RXRG: variants seen among roughly 807,000 people sequenced by gnomAD.
The protein encoded by RXRG is retinoic acid receptor RXR-gamma.
A neutral mutation model predicts 49.2 loss-of-function variants in RXRG; 19 were observed. The observed-to-expected ratio is 0.39, with a 90% CI of 0.27 to 0.57. The LOEUF (loss-of-function observed/expected upper bound fraction) is 0.57, where lower values mean the gene tolerates loss of function less well. Ranked by LOEUF, RXRG falls within the 20% of genes least tolerant of loss-of-function variation. The pLI is 0.64. For synonymous variants in RXRG, 224 were observed against 216.6 expected, an observed-to-expected ratio of 1.03 and a Z score of -0.30; for missense variants, 452 against 592.5, an observed-to-expected ratio of 0.76 and a Z score of 2.46.
At position 165,445,013 on chromosome 1, in the gene RXRG, T is replaced by C. The variant is rs1456032056; in HGVS notation, c.-120A>G. ...GCTAACAAGAGTGGTCATCGCTTCC[T>C]AGCAGCCCGGGGAGCACAGGCTGGG... is the stretch of plus-strand genomic sequence containing the variant. On this transcript the variant is annotated 5_prime_UTR_variant, in exon 1 of 10. Transcript: ENST00000359842. The C allele has an allele frequency of 4.5e-6, 4 of 892,300 alleles. No homozygotes were observed. In the East Asian group the frequency reaches 9.8e-5, roughly 22 times the overall value. The allele number at this position is 892,300 out of a possible 1,614,324, so 55.3% of individuals were successfully genotyped here. A position where few individuals can be genotyped will look rare whatever the true frequency, so the allele number is the denominator to read the frequency against.
Position 165,410,976 on chromosome 1 carries a change from G to T in RXRG, c.756C>A (p.Ser252=). The change falls in exon 5 of 10, where the codon TCC becomes TCA. Residue 252 remains serine (S), a synonymous_variant. Coordinates refer to ENST00000359842, the MANE Select transcript of RXRG (RefSeq NM_006917.5). ...AELAVEPKTE[S]YGDMNMENST... ...AGTTCTCCATATTCATGTCACCATA[G>T]GATTCTGTCTTTGGTTCAACAGCAA... 1 of 1,614,150 alleles carries T rather than the reference G, an allele frequency of 6.2e-7. No individual in the cohort carries two copies. The highest frequency in any genetic ancestry group is 8.5e-7 in the Non-Finnish European group (1 of 1,180,016).
In RXRG at chr1:165,401,261, G is replaced by A; in HGVS notation, c.*2C>T. The A allele has an allele frequency of 6.2e-7, 1 of 1,613,944 alleles. No homozygotes were observed. The highest frequency in any genetic ancestry group is 8.5e-7 in the Non-Finnish European group (1 of 1,179,950). On this transcript the variant is annotated 3_prime_UTR_variant, in exon 10 of 10. Transcript: ENST00000359842. ...GGGTGGGGAGGCTGTGGCTGGTGGG[G>A]CTCAGGTGATCTGCAGCGGGGTCTC...
At chr1:165,426,384 T>G (rs3767348) in intron 2 of RXRG, among the ~76,000 whole-genome samples, 3 of 152,106 alleles carry the variant, frequency 2.0e-5, no homozygotes, top group South Asian at 2.1e-4. Context: ...ACCTGCCCCA[T>G]TGACTTACAC....
chr1:165,423,125 T>C (rs1289614748), intron 2 of RXRG, among the ~76,000 whole-genome samples: 2 of 152,168 alleles, frequency 1.3e-5, no homozygotes, highest in Admixed American at 1.3e-4. Context: ...GTTTTCTCTG[T>C]CCATCTCTCT....
chr1:165,425,598 G>A (rs1658458480), intron 2 of RXRG, among the ~76,000 whole-genome samples: 1 of 152,166 alleles, frequency 6.6e-6, no homozygotes, highest in African/African-American at 2.4e-5. Flanking sequence ...GGAAAGAAAG[G>A]AAACAAACAA....
chr1:165,419,901 G>A lies in RXRG; in HGVS notation c.411C>T (p.His137=), dbSNP rs1233502674. 1 of 1,613,010 alleles carries A rather than the reference G, an allele frequency of 6.2e-7. No individual in the cohort carries two copies. The highest frequency in any genetic ancestry group is 1.3e-5 in the African/African-American group (1 of 74,898). Residue 137 remains histidine, a synonymous_variant, in exon 3 of 10, where the codon CAC becomes CAT. Transcript: ENST00000359842. Reference sequence around the variant, plus strand: ...ATCTGTCTCCACAGATGGCACAGATGTGTTTAACCAGAGATCCGGGGCTGG... The same window carrying A: ...ATCTGTCTCCACAGATGGCACAGATATGTTTAACCAGAGATCCGGGGCTGG... ...PSTSPGSLVK[H]ICAICGDRSS...
chr1:165,407,377 A>C (rs1384733033), intron 8 of RXRG, among the ~76,000 whole-genome samples: 1 of 152,206 alleles, frequency 6.6e-6, no homozygotes, highest in East Asian at 1.9e-4. Context: ...TCTTGACCAC[A>C]GCAGGGTTTG....
At chr1:165,433,816 A>G (rs907991716) in intron 1 of RXRG, among the ~76,000 whole-genome samples, 4 of 152,234 alleles carry the variant, frequency 2.6e-5, no homozygotes. Flanking sequence ...CAACTGGACC[A>G]TGTTAGGCCT....
At chr1:165,426,396 A>G (rs1341662689) in intron 2 of RXRG, among the ~76,000 whole-genome samples, 1 of 151,526 alleles carries the variant, frequency 6.6e-6, no homozygotes, top group African/African-American at 2.4e-5. Flanking sequence ...GACTTACACA[A>G]CCCTTCCTTC....
intron 4 of RXRG, among the ~76,000 whole-genome samples, chr1:165,412,255 T>C (rs992287648): frequency 6.6e-5 from 10 of 152,232 alleles, no homozygotes; most frequent in South Asian, 6.2e-4. Context: ...ACACAACTTA[T>C]GCTCCAAAAC....
At chr1:165,424,789 G>A (rs769227475) in intron 2 of RXRG, 4 of 985,498 alleles carry the variant, frequency 4.1e-6, no homozygotes, top group Non-Finnish European at 4.8e-6. Context: ...CTTCCATCAT[G>A]AATCCCTCTC....
chr1:165,436,958 C>T lies in RXRG; in HGVS notation c.49+7887G>A, dbSNP rs149470737. The T allele has an allele frequency of 6.2e-3, 7,063 of 1,131,416 alleles. 39 individuals are homozygous for T. Among genetic ancestry groups the T allele is most frequent in the Middle Eastern group, 9.2e-3 (25 of 2,706 alleles). The allele number at this position is 1,131,416 out of a possible 1,614,324, so 70.1% of individuals were successfully genotyped here. On this transcript the variant is annotated intron_variant, in intron 1 of 9. Transcript: ENST00000359842. ...CTGTTATCATCTTTAATTCAAAAAG[C>T]ATTTACAAGATGTCAGAGGAACGGG...
intron 1 of RXRG, among the ~76,000 whole-genome samples, chr1:165,436,332 C>A (rs150801336): frequency 2.6e-5 from 4 of 152,286 alleles, no homozygotes; most frequent in African/African-American, 9.6e-5. Flanking sequence ...CTCCTCCCAC[C>A]CTTTGGTAAA....
intron 1 of RXRG, among the ~76,000 whole-genome samples, chr1:165,436,273 A>T (rs574867627): frequency 6.6e-6 from 1 of 152,260 alleles, no homozygotes; most frequent in African/African-American, 2.4e-5. Context: ...CCTTGGAGCC[A>T]CCTAGGATGG....
intron 7 of RXRG, among the ~76,000 whole-genome samples, chr1:165,408,618 A>G (rs1446913416): frequency 6.6e-6 from 1 of 152,228 alleles, no homozygotes; most frequent in East Asian, 1.9e-4. Context: ...ATGGAAAGGC[A>G]TCATGGAAGT....
intron 4 of RXRG, among the ~76,000 whole-genome samples, chr1:165,411,886 A>G (rs569996652): frequency 5.3e-4 from 81 of 152,300 alleles, no homozygotes; most frequent in African/African-American, 1.9e-3. Context: ...TCAGGAGAAA[A>G]GTCTCTGTTG....
chr1:165,406,888 C>T lies in RXRG; in HGVS notation c.1168G>A (p.Val390Met), dbSNP rs1388793765. The T allele has an allele frequency of 6.2e-7, 1 of 1,613,906 alleles. No homozygotes were observed. Among genetic ancestry groups the T allele is most frequent in the Middle Eastern group, 1.7e-4 (1 of 6,044 alleles). Reference sequence around the variant, plus strand: ...TAAACCTTCTCTCGCAGAGTCTCCACCTCAGAGGGGTTGGACAGGCCCTTG... The same window carrying T: ...TAAACCTTCTCTCGCAGAGTCTCCATCTCAGAGGGGTTGGACAGGCCCTTG... ...DAKGLSNPSE[V>M]ETLREKVYAT... Residue 390 changes from valine (V) to methionine (M), a missense_variant, in exon 9 of 10, where the codon GTG becomes ATG. Val to Met is a conservative substitution (Grantham distance 21). Coordinates refer to ENST00000359842, the MANE Select transcript of RXRG (RefSeq NM_006917.5).
chr1:165,436,772 A>G (rs973516198), intron 1 of RXRG, among the ~76,000 whole-genome samples: 1 of 152,112 alleles, frequency 6.6e-6, no homozygotes, highest in African/African-American at 2.4e-5. Context: ...ATTTCCTCAA[A>G]TGCAAATGGA....
intron 2 of RXRG, among the ~76,000 whole-genome samples, chr1:165,421,542 TTTTCC>T (rs1420559630): frequency 6.6e-6 from 1 of 151,302 alleles, no homozygotes; most frequent in Non-Finnish European, 1.5e-5. Flanking sequence ...TTTTTTTTTT[TTTTCC>T]TTTTTTTGAG....
Sources: gnomAD v4.1 joint callset for allele counts (sites outside exome capture counted in the v4.1 genomes callset) on GRCh38, gnomAD v4.1.1 for gene constraint, MANE v1.5 for transcripts, NCBI Gene and HGNC (gene_info 2026-07-23, HGNC 2026-07-21) for gene names.